SLC13A3: variants seen among roughly 807,000 people sequenced by gnomAD.
SLC13A3 encodes Na(+)/dicarboxylate cotransporter 3.
In SLC13A3, 40 loss-of-function variants were observed where a neutral mutation model predicts 59.0. The observed-to-expected ratio is 0.68, with a 90% CI of 0.53 to 0.88. The LOEUF (loss-of-function observed/expected upper bound fraction) is 0.88, where lower values mean the gene tolerates loss of function less well. Among genes scored for constraint, SLC13A3 ranks in the 40% least tolerant of loss-of-function variants. SLC13A3 has a pLI of 0.00. For synonymous variants in SLC13A3, 317 were observed against 330.3 expected (o/e 0.96, Z 0.44); for missense variants, 699 against 783.2 (o/e 0.89, Z 1.28).
chr20:46,598,066 A>G (rs73622678), intron 4 of SLC13A3, among the ~76,000 whole-genome samples: 1 of 152,216 alleles, frequency 6.6e-6, no homozygotes, highest in Non-Finnish European at 1.5e-5. Context: ...TAAGATTTTT[A>G]AAAAAGTGTT....
chr20:46,634,115 T>A (rs994089317), intron 1 of SLC13A3, among the ~76,000 whole-genome samples: 25 of 152,188 alleles, frequency 1.6e-4, no homozygotes, highest in Non-Finnish European at 2.8e-4. Context: ...GAGTGCTGAT[T>A]AAAGCCCTTT....
chr20:46,671,629 T>C (rs2063092643), upstream of SLC13A3, among the ~76,000 whole-genome samples: 1 of 151,562 alleles, frequency 6.6e-6, no homozygotes, highest in African/African-American at 2.4e-5. Flanking sequence ...ATAACACCTG[T>C]GAAAAGGAAA....
At chr20:46,672,009 G>A (rs1293029213), upstream of SLC13A3, among the ~76,000 whole-genome samples, 2 of 152,206 alleles carry the variant, frequency 1.3e-5, no homozygotes, top group Non-Finnish European at 2.9e-5. Context: ...TCAACAAACA[G>A]AGGGTCACAG....
chr20:46,610,958 C>T (rs74494419), intron 2 of SLC13A3, among the ~76,000 whole-genome samples: 6,265 of 152,056 alleles, frequency 0.041, 448 homozygotes, highest in African/African-American at 0.14. Context: ...AGCTTCCTCC[C>T]TCTTTTCCCC....
At chr20:46,617,045 A>G (rs1212854996) in intron 1 of SLC13A3, among the ~76,000 whole-genome samples, 1 of 152,188 alleles carries the variant, frequency 6.6e-6, no homozygotes, top group Non-Finnish European at 1.5e-5. Context: ...CAGATTTTAT[A>G]GCTTTATATG....
intron 1 of SLC13A3, among the ~76,000 whole-genome samples, chr20:46,620,042 A>G (rs1027742326): frequency 3.3e-5 from 5 of 152,196 alleles, no homozygotes; most frequent in Admixed American, 2.0e-4. Context: ...TCCTAACAAT[A>G]AATAATACCT....
chr20:46,578,337 T>G (rs1027716380), intron 9 of SLC13A3, among the ~76,000 whole-genome samples: 3 of 152,118 alleles, frequency 2.0e-5, no homozygotes, highest in Non-Finnish European at 1.5e-5. Context: ...AAAATTTGTC[T>G]CCTTGGAGAA....
Position 46,648,494 on chromosome 20 carries a change from T to C in SLC13A3, c.111+2817A>G, listed in dbSNP as rs888724599. On this transcript the variant is annotated intron_variant, in intron 1 of 12. Coordinates refer to ENST00000279027, the MANE Select transcript of SLC13A3 (RefSeq NM_022829.6). ...CCTGCCTCCTGGGAGGAGGCCCTGG[T>C]TCATCAACCACTTAAAGAGGCAGTG... Among the ~76,000 whole-genome samples, 3 of 152,124 alleles carry C rather than the reference T, an allele frequency of 2.0e-5. No homozygotes were observed. The East Asian group carries it at 5.8e-4, about 29-fold the overall frequency.
At chr20:46,633,501 G>A (rs1249153398) in intron 1 of SLC13A3, among the ~76,000 whole-genome samples, 1 of 152,172 alleles carries the variant, frequency 6.6e-6, no homozygotes, top group African/African-American at 2.4e-5. Context: ...AATGCCCAGG[G>A]GAGATCAAAA....
chr20:46,601,300 T>A (rs1236553557), intron 3 of SLC13A3, among the ~76,000 whole-genome samples: 1 of 152,012 alleles, frequency 6.6e-6, no homozygotes, highest in African/African-American at 2.4e-5. Flanking sequence ...CAGTTCTGGA[T>A]CTGTTGCATT....
intron 8 of SLC13A3, chr20:46,583,871 A>G: frequency 1.0e-6 from 1 of 985,382 alleles, no homozygotes; most frequent in Non-Finnish European, 1.2e-6. Flanking sequence ...GGGGGCATTT[A>G]GATGCTGCTT....
At chr20:46,592,166 C>T (rs745865490) in intron 6 of SLC13A3, among the ~76,000 whole-genome samples, 74 of 152,222 alleles carry the variant, frequency 4.9e-4, no homozygotes, top group Non-Finnish European at 7.5e-4. Flanking sequence ...GTGCTATGAT[C>T]GCACCACTGC....
chr20:46,604,977 C>T (rs1381744628), intron 3 of SLC13A3, among the ~76,000 whole-genome samples: 1 of 152,126 alleles, frequency 6.6e-6, no homozygotes, highest in East Asian at 1.9e-4. Context: ...CTTTATGCAG[C>T]CAGGGTGGAC....
At chr20:46,662,533 G>A (rs540830817) in intron 1 of SLC13A3, among the ~76,000 whole-genome samples, 11 of 152,146 alleles carry the variant, frequency 7.2e-5, no homozygotes, top group Non-Finnish European at 1.3e-4. Context: ...TATAGCAGAC[G>A]AAAACGATAT....
chr20:46,677,963 TTGAAATTGTTTAACATTGGCATA>T (rs1403821891), intron 1 of SLC13A3, among the ~76,000 whole-genome samples: 6 of 152,240 alleles, frequency 3.9e-5, no homozygotes, highest in Admixed American at 6.5e-5. Flanking sequence ...ATATGTATGT[TTGAAATTGTTTAACATTGGCATA>T]TGAAATTGTT....
At chr20:46,617,607 TGC>T (rs1486640641) in intron 1 of SLC13A3, among the ~76,000 whole-genome samples, 7 of 51,250 alleles carry the variant, frequency 1.4e-4, no homozygotes, top group African/African-American at 6.3e-4. Flanking sequence ...TGTGTGTGTG[TGC>T]GTGTGTGTGT....
chr20:46,596,127 C>T (rs767162758), intron 5 of SLC13A3, 30 bp downstream of exon 5: 2 of 1,603,024 alleles, frequency 1.2e-6, no homozygotes, highest in East Asian at 4.5e-5. Flanking sequence ...GAGCAGAACC[C>T]TCCCCGCCGG....
chr20:46,597,609 G>A (rs1284996066), intron 4 of SLC13A3, among the ~76,000 whole-genome samples: 4 of 152,126 alleles, frequency 2.6e-5, no homozygotes, highest in Admixed American at 6.5e-5. Context: ...GCTAATTTTT[G>A]TATTTTTAGT....
intron 3 of SLC13A3, among the ~76,000 whole-genome samples, chr20:46,607,413 A>C (rs1437701419): frequency 6.6e-6 from 1 of 152,136 alleles, no homozygotes; most frequent in Non-Finnish European, 1.5e-5. Flanking sequence ...ACCTGGTCAA[A>C]GCTCAGAACT....
Sources: gnomAD v4.1 joint callset for allele counts (sites outside exome capture counted in the v4.1 genomes callset) on GRCh38, gnomAD v4.1.1 for gene constraint, MANE v1.5 for transcripts, NCBI Gene and HGNC (gene_info 2026-07-23, HGNC 2026-07-21) for gene names.